SLC2A1: variants seen among roughly 807,000 people sequenced by gnomAD.
The protein encoded by SLC2A1 is solute carrier family 2, facilitated glucose transporter member 1.
A neutral mutation model predicts 46.6 loss-of-function variants in SLC2A1; 4 were observed. The ratio of observed to expected loss-of-function variants is 0.09; its 90% CI spans 0.04 to 0.20. SLC2A1 has a LOEUF of 0.20. Ranked by LOEUF, SLC2A1 falls within the 10% of genes least tolerant of loss-of-function variation. The probability of loss-of-function intolerance (pLI) is 1.00; values close to 1 mark genes in which losing one functional copy is unlikely to be tolerated. For missense variants in SLC2A1, 352 were observed against 667.0 expected, an observed-to-expected ratio of 0.53 and a Z score of 5.20; for synonymous variants, 253 against 270.0, an observed-to-expected ratio of 0.94 and a Z score of 0.62.
At chr1:42,955,081 T>A (rs914130630) in intron 1 of SLC2A1, among the ~76,000 whole-genome samples, 17 of 152,168 alleles carry the variant, frequency 1.1e-4, no homozygotes, top group Non-Finnish European at 2.4e-4. Context: ...TGGGCCAGCA[T>A]CCTGACTCCC....
At position 42,926,904 on chromosome 1, in the gene SLC2A1, A is replaced by G; in HGVS notation, c.*137T>C. 6.6e-7 allele frequency: 1 copy of G among 1,513,450 alleles called. No individual in the cohort carries two copies. The highest frequency in any genetic ancestry group is 8.8e-7 in the Non-Finnish European group (1 of 1,137,638). 93.8% of individuals were successfully genotyped at this position (1,513,450 alleles called of 1,614,324 possible). A position where few individuals can be genotyped will look rare whatever the true frequency, so the allele number is the denominator to read the frequency against. ...AGTCCTGAATATTCTTCTGGACATCATTGCTGGCTGGAGAAAGGAGCCCCA... is the reference window on the plus strand; with the variant it reads ...AGTCCTGAATATTCTTCTGGACATCGTTGCTGGCTGGAGAAAGGAGCCCCA... On this transcript the variant is annotated 3_prime_UTR_variant, in exon 10 of 10. Transcript: ENST00000426263.
Position 42,927,099 on chromosome 1 carries a change from T to G in SLC2A1, c.1421A>C (p.Gln474Pro). 1 of 1,614,186 alleles carries G rather than the reference T, an allele frequency of 6.2e-7. No individual in the cohort carries two copies. The highest frequency in any genetic ancestry group is 8.5e-7 in the Non-Finnish European group (1 of 1,180,030). ...ASGFRQGGAS[Q>P]SDKTPEELFH... The stretch of plus-strand genomic sequence containing the variant: ...CAGCTCCTCGGGTGTCTTGTCACTT[T>G]GGCTGGCTCCCCCCTGCCGGAAGCC... Residue 474 changes from glutamine to proline, a missense_variant, in exon 10 of 10, where the codon CAA (glutamine) becomes CCA (proline). Around this residue, in one of 5 missense-constraint regions of SLC2A1, gnomAD observed 41 missense variants for 49.1 expected, o/e 0.83. Transcript: ENST00000426263. The surrounding 1 kb of genome is among the most constrained non-coding windows in gnomAD (Gnocchi z 5.3).
chr1:42,926,804 A>T lies in SLC2A1; in HGVS notation c.*237T>A, dbSNP rs972466323. 3 of 1,492,068 alleles carry T rather than the reference A, an allele frequency of 2.0e-6. No homozygotes were observed. The highest frequency in any genetic ancestry group is 2.7e-6 in the Non-Finnish European group (3 of 1,127,248). 92.4% of individuals were successfully genotyped at this position (1,492,068 alleles called of 1,614,324 possible). The stretch of plus-strand genomic sequence containing the variant: ...AAAAATAACAAAATCAGTAATAAAA[A>T]AATTATAAAACCTGTTGCTTGTCTG... On this transcript the variant is annotated 3_prime_UTR_variant, in exon 10 of 10. Coordinates refer to ENST00000426263, the MANE Select transcript of SLC2A1 (RefSeq NM_006516.4).
intron 1 of SLC2A1, 74 bp from the exon 2 acceptor site, chr1:42,943,395 A>T: frequency 1.8e-6 from 2 of 1,095,102 alleles, no homozygotes; most frequent in South Asian, 2.6e-5. Flanking sequence ...CTGGACTGGC[A>T]AGTTTCTGTG....
Position 42,941,468 on chromosome 1 carries a change from T to A in SLC2A1, c.114+1758A>T, listed in dbSNP as rs112306671. On this transcript the variant is annotated intron_variant, in intron 2 of 9. Transcript: ENST00000426263. Reference sequence around the variant, plus strand: ...TGGGCATTTTGCTTTGAAGGCCCCCTGCTCACCCCAACCCTGTTCTGTTTC... The same window carrying A: ...TGGGCATTTTGCTTTGAAGGCCCCCAGCTCACCCCAACCCTGTTCTGTTTC... Among the ~76,000 whole-genome samples the A allele has an allele frequency of 1.9e-3, 293 of 152,340 alleles. 2 individuals carry two copies. Among genetic ancestry groups the A allele is most frequent in the African/African-American group, 6.7e-3 (278 of 41,586 alleles).
chr1:42,926,616 T>G lies in SLC2A1; in HGVS notation c.*425A>C. 9 of 1,006,226 alleles carry G rather than the reference T, an allele frequency of 8.9e-6. No individual in the cohort carries two copies. The highest frequency in any genetic ancestry group is 1.1e-5 in the Non-Finnish European group (8 of 745,528). 62.3% of individuals were successfully genotyped at this position (1,006,226 alleles called of 1,614,324 possible). A position where few individuals can be genotyped will look rare whatever the true frequency, so the allele number is the denominator to read the frequency against. On this transcript the variant is annotated 3_prime_UTR_variant, in exon 10 of 10. Coordinates refer to ENST00000426263, the MANE Select transcript of SLC2A1 (RefSeq NM_006516.4). ...GCCACCTCCTGGGATAGAAGCTTTG[T>G]AGTTCATAGTTCGATTAGTGTGTCC...
intron 1 of SLC2A1, among the ~76,000 whole-genome samples, chr1:42,956,545 AT>A (rs1643778692): frequency 6.6e-6 from 1 of 152,050 alleles, no homozygotes; most frequent in African/African-American, 2.4e-5. Context: ...AGATCGCGCC[AT>A]TGCACTCCAG....
chr1:42,945,698 C>T (rs141017241), intron 1 of SLC2A1, among the ~76,000 whole-genome samples: 47 of 150,232 alleles, frequency 3.1e-4, no homozygotes, highest in African/African-American at 1.1e-3. Flanking sequence ...CGAGATGGCG[C>T]CACTGCACTC....
chr1:42,930,565 G>C lies in SLC2A1; in HGVS notation c.516+61C>G. The C allele has an allele frequency of 6.2e-7, 1 of 1,604,956 alleles. No individual in the cohort carries two copies. On this transcript the variant is annotated intron_variant, in intron 4 of 9. Transcript: ENST00000426263. The surrounding 1 kb of genome is among the most constrained non-coding windows in gnomAD (Gnocchi z 6.2). ...ACTCTGCCCTGCTGGGCACAGATCC[G>C]AGAGCCACTGAAGCTGTGGGCAGGG...
At position 42,929,465 on chromosome 1, in the gene SLC2A1, C is replaced by CTTGG. The variant is rs759171042; in HGVS notation, c.867+124_867+127dup. ...CACTGCACTGCAGTGACCTTACGGG[C>CTTGG]TTGGGGTCTAAAGGGAAACTTCTTC... is the stretch of plus-strand genomic sequence containing the variant. On this transcript the variant is annotated intron_variant, in intron 6 of 9. Transcript: ENST00000426263. The surrounding 1 kb of genome is among the most constrained non-coding windows in gnomAD (Gnocchi z 6.0). The CTTGG allele has an allele frequency of 9.4e-5, 107 of 1,139,570 alleles. No individual in the cohort carries two copies. Among genetic ancestry groups the CTTGG allele is most frequent in the Admixed American group, 4.7e-4 (25 of 53,068 alleles). 70.6% of individuals were successfully genotyped at this position (1,139,570 alleles called of 1,614,324 possible).
chr1:42,940,929 G>A (rs1050925671), intron 2 of SLC2A1, among the ~76,000 whole-genome samples: 2 of 151,850 alleles, frequency 1.3e-5, no homozygotes, highest in South Asian at 2.1e-4. Flanking sequence ...CACATCCCAC[G>A]GCCACCTCTC....
Position 42,926,685 on chromosome 1 carries a change from G to A in SLC2A1, c.*356C>T, listed in dbSNP as rs1366468048. On this transcript the variant is annotated 3_prime_UTR_variant, in exon 10 of 10. Coordinates refer to ENST00000426263, the MANE Select transcript of SLC2A1 (RefSeq NM_006516.4). ...CCTACAGATTAGCTGGGTGAAGAAG[G>A]CAAGTGTCTCGACAGGGCTTAGTCT... is the stretch of plus-strand genomic sequence containing the variant. The A allele has an allele frequency of 1.5e-6, 2 of 1,325,284 alleles. No homozygotes were observed. Among genetic ancestry groups the A allele is most frequent in the African/African-American group, 1.5e-5 (1 of 67,480 alleles). 82.1% of individuals were successfully genotyped at this position (1,325,284 alleles called of 1,614,324 possible).
At chr1:42,941,690 C>T (rs750565676) in intron 2 of SLC2A1, among the ~76,000 whole-genome samples, 2 of 152,190 alleles carry the variant, frequency 1.3e-5, no homozygotes, top group Non-Finnish European at 2.9e-5. Flanking sequence ...GTTCTGGAAA[C>T]CCCAATGTGC....
intron 1 of SLC2A1, among the ~76,000 whole-genome samples, chr1:42,950,413 C>A (rs1643707973): frequency 6.6e-6 from 1 of 152,228 alleles, no homozygotes; most frequent in Non-Finnish European, 1.5e-5. Flanking sequence ...CAGGCAAAAC[C>A]ACATCCTCCC....
chr1:42,948,142 C>T (rs1447558274), intron 1 of SLC2A1, among the ~76,000 whole-genome samples: 5 of 152,140 alleles, frequency 3.3e-5, no homozygotes, highest in Non-Finnish European at 7.4e-5. Context: ...CGCTGGGGGT[C>T]TCACGACCCA....
At position 42,930,284 on chromosome 1, in the gene SLC2A1, G is replaced by A; in HGVS notation, c.517-249C>T. 1.6e-6 allele frequency: 1 copy of A among 624,750 alleles called. No individual in the cohort carries two copies. The highest frequency in any genetic ancestry group is 2.9e-6 in the Non-Finnish European group (1 of 350,078). The allele number at this position is 624,750 out of a possible 1,614,324, so 38.7% of individuals were successfully genotyped here. A position where few individuals can be genotyped will look rare whatever the true frequency, so the allele number is the denominator to read the frequency against. On this transcript the variant is annotated intron_variant, in intron 4 of 9. Coordinates refer to ENST00000426263, the MANE Select transcript of SLC2A1 (RefSeq NM_006516.4). This position sits in a 1 kb window ranked among gnomAD's most constrained non-coding sequence, Gnocchi z 6.2. Reference sequence around the variant, plus strand: ...CACAGATGTGTCCAGCACAGAGAATGGGGGCTGCTACTCTGCCACAAGAGG... The same window carrying A: ...CACAGATGTGTCCAGCACAGAGAATAGGGGCTGCTACTCTGCCACAAGAGG...
At position 42,930,824 on chromosome 1, in the gene SLC2A1, G is replaced by T. The variant is rs760599149; in HGVS notation, c.318C>A (p.Ser106=). The part of the protein sequence containing the change: ...MLMMNLLAFV[S]AVLMGFSKLG... Reference sequence around the variant, plus strand: ...GTTTCGAGAAGCCCATGAGCACGGCGGACACGAAGGCCAGCAGGTTCATCA... The same window carrying T: ...GTTTCGAGAAGCCCATGAGCACGGCTGACACGAAGGCCAGCAGGTTCATCA... Residue 106 remains serine (S), a synonymous_variant, in exon 4 of 10, where the codon TCC becomes TCA. Coordinates refer to ENST00000426263, the MANE Select transcript of SLC2A1 (RefSeq NM_006516.4). The surrounding 1 kb of genome is among the most constrained non-coding windows in gnomAD (Gnocchi z 6.2). The T allele has an allele frequency of 6.2e-7, 1 of 1,600,704 alleles. No individual in the cohort carries two copies. The highest frequency in any genetic ancestry group is 8.5e-7 in the Non-Finnish European group (1 of 1,179,922).
rs796053274 is a variant in SLC2A1 at position 42,927,234 on chromosome 1, C to G, written c.1286G>C (p.Cys429Ser). Residue 429 changes from cysteine to serine, a missense_variant, in exon 10 of 10, where the codon TGT becomes TCT. Cys to Ser is a moderately radical substitution (Grantham distance 112, BLOSUM62 -1). Transcript: ENST00000426263. The surrounding 1 kb of genome is among the most constrained non-coding windows in gnomAD (Gnocchi z 5.3). The part of the protein sequence containing the change: ...GMCFQYVEQL[C>S]GPYVFIIFTV... ...GAAGATGATGAAGACGTAGGGACCA[C>G]ACAGTTGCTGAAAGACACACAGACA... 38 of 1,613,950 alleles carry G rather than the reference C, an allele frequency of 2.4e-5. No individual in the cohort carries two copies. The highest frequency in any genetic ancestry group is 2.7e-5 in the Non-Finnish European group (32 of 1,179,956).
At position 42,930,026 on chromosome 1, in the gene SLC2A1, G is replaced by A; in HGVS notation, c.526C>T (p.Leu176=). The A allele has an allele frequency of 6.2e-7, 1 of 1,614,062 alleles. No individual in the cohort carries two copies. Among genetic ancestry groups the A allele is most frequent in the Non-Finnish European group, 8.5e-7 (1 of 1,180,032 alleles). The change falls in exon 5 of 10, where the codon CTG becomes TTG. Residue 176 remains leucine (L), a synonymous_variant. Coordinates refer to ENST00000426263, the MANE Select transcript of SLC2A1 (RefSeq NM_006516.4). The surrounding 1 kb of genome is among the most constrained non-coding windows in gnomAD (Gnocchi z 6.2). The stretch of plus-strand genomic sequence containing the variant: ...TCCTTGTTGCCCATGATGGAGTCCA[G>A]GCCGAACACCTGGGGGAAGCAGGGG... ...VGILIAQVFG[L]DSIMGNKDLW...
Sources: allele counts gnomAD v4.1 joint callset (sites outside exome capture counted in the v4.1 genomes callset), GRCh38; gene constraint gnomAD v4.1.1; regional missense constraint gnomAD v4.1.1; non-coding constraint Gnocchi (gnomAD v3.1); transcripts MANE v1.5; gene names NCBI Gene and HGNC (gene_info 2026-07-23, HGNC 2026-07-21).